Variants in GRM8 observed in about 807,000 individuals in gnomAD.
The protein encoded by GRM8 is metabotropic glutamate receptor 8.
Under a neutral mutation model 87.2 loss-of-function variants are expected in GRM8, and 47 were observed. The observed-to-expected ratio is 0.54, with a 90% CI of 0.43 to 0.69. The LOEUF (loss-of-function observed/expected upper bound fraction) is 0.69, where lower values mean the gene tolerates loss of function less well. Among genes scored for constraint, GRM8 ranks in the 30% least tolerant of loss-of-function variants. The pLI, the probability that GRM8 is intolerant of heterozygous loss-of-function variation, is 0.00. For synonymous variants in GRM8, 396 were observed against 404.5 expected, an observed-to-expected ratio of 0.98 and a Z score of 0.25; for missense variants, 1,019 against 1,139.2, an observed-to-expected ratio of 0.89 and a Z score of 1.52.
At chr7:126,804,973 G>A (rs975951285) in intron 6 of GRM8, among the ~76,000 whole-genome samples, 1 of 152,060 alleles carries the variant, frequency 6.6e-6, no homozygotes, top group South Asian at 2.1e-4. Context: ...CCAGACTGTG[G>A]TCCTCTTACC....
intron 8 of GRM8, among the ~76,000 whole-genome samples, chr7:126,573,483 A>G (rs1794856587): frequency 6.6e-6 from 1 of 152,174 alleles, no homozygotes; most frequent in South Asian, 2.1e-4. Flanking sequence ...TAGAAGAAAA[A>G]TCAGAATCTC....
chr7:126,945,929 TTACTC>T (rs1807486153), intron 3 of GRM8, among the ~76,000 whole-genome samples: 1 of 152,160 alleles, frequency 6.6e-6, no homozygotes, highest in African/African-American at 2.4e-5. Flanking sequence ...AATTTTCCCT[TTACTC>T]TGCCTAATTC....
chr7:126,752,783 T>G (rs767308042), intron 7 of GRM8, among the ~76,000 whole-genome samples: 6 of 152,150 alleles, frequency 3.9e-5, no homozygotes, highest in Non-Finnish European at 5.9e-5. Flanking sequence ...GCTCTTATCC[T>G]TCTCACAAAT....
intron 8 of GRM8, among the ~76,000 whole-genome samples, chr7:126,536,796 C>T (rs1414635242): frequency 1.3e-5 from 2 of 151,974 alleles, no homozygotes; most frequent in African/African-American, 4.8e-5. Flanking sequence ...TTGTTGGGAA[C>T]TTCCATAGAT....
Position 126,452,274 on chromosome 7 carries a change from G to A in GRM8, c.2431-5902C>T, listed in dbSNP as rs574750429. Among the ~76,000 whole-genome samples the A allele has an allele frequency of 2.9e-3, 397 of 138,738 alleles. 3 individuals are homozygous for A. Among genetic ancestry groups the A allele is most frequent in the African/African-American group, 0.01 (390 of 37,642 alleles). The allele number at this position is 138,738 out of a possible 152,430, so 91.0% of individuals were successfully genotyped here. A position where few individuals can be genotyped will look rare whatever the true frequency, so the allele number is the denominator to read the frequency against. ...CCAGGAAGGGGAACATCACACCCCA[G>A]GGCCTGTTGTGGGGTGGGGGGAGGG... On this transcript the variant is annotated intron_variant, in intron 9 of 10. Coordinates refer to ENST00000339582, the MANE Select transcript of GRM8 (RefSeq NM_000845.3).
At chr7:126,995,139 A>T (rs1234101941) in intron 3 of GRM8, among the ~76,000 whole-genome samples, 1 of 152,214 alleles carries the variant, frequency 6.6e-6, no homozygotes, top group Non-Finnish European at 1.5e-5. Context: ...CTTATCTAAG[A>T]CCACCTAGGT....
intron 7 of GRM8, among the ~76,000 whole-genome samples, chr7:126,722,010 T>A (rs1419227339): frequency 6.6e-6 from 1 of 152,170 alleles, no homozygotes; most frequent in African/African-American, 2.4e-5. Context: ...AGGAGGTGAC[T>A]AATTTATATG....
chr7:127,057,850 CA>C (rs1429925451), intron 3 of GRM8, among the ~76,000 whole-genome samples: 2 of 150,584 alleles, frequency 1.3e-5, no homozygotes, highest in East Asian at 3.9e-4. Context: ...GTGATAGAAA[CA>C]GTCTATTAAA....
chr7:127,121,814 C>T (rs1020864066), intron 2 of GRM8, among the ~76,000 whole-genome samples: 1 of 152,096 alleles, frequency 6.6e-6, no homozygotes, highest in South Asian at 2.1e-4. Flanking sequence ...TTAGAAACCA[C>T]CCCCATGATC....
intron 9 of GRM8, among the ~76,000 whole-genome samples, chr7:126,525,423 T>A (rs1260197538): frequency 6.6e-6 from 1 of 152,190 alleles, no homozygotes; most frequent in African/African-American, 2.4e-5. Context: ...CAGAGTTCTT[T>A]CTTTTAACTG....
At chr7:126,775,403 A>G (rs1819312278) in intron 6 of GRM8, among the ~76,000 whole-genome samples, 1 of 150,460 alleles carries the variant, frequency 6.6e-6, no homozygotes, top group African/African-American at 2.5e-5. Context: ...TAGTGCAGTG[A>G]CTTTTAAATC....
intron 8 of GRM8, among the ~76,000 whole-genome samples, chr7:126,585,387 C>T (rs1284902690): frequency 6.6e-6 from 1 of 152,130 alleles, no homozygotes; most frequent in Non-Finnish European, 1.5e-5. Flanking sequence ...TAAGGTTTGT[C>T]CATTAAGTTC....
intron 7 of GRM8, among the ~76,000 whole-genome samples, chr7:126,754,137 G>T (rs1297991020): frequency 1.3e-5 from 2 of 151,726 alleles, no homozygotes; most frequent in African/African-American, 2.4e-5. Context: ...AATGCACAGG[G>T]TTAATTTTTT....
intron 7 of GRM8, among the ~76,000 whole-genome samples, chr7:126,622,602 C>T (rs567405430): frequency 6.6e-6 from 1 of 152,314 alleles, no homozygotes; most frequent in East Asian, 1.9e-4. Flanking sequence ...GCTGGGGCCC[C>T]ATCACTCTCA....
chr7:126,913,168 T>C (rs1803500377), intron 3 of GRM8, among the ~76,000 whole-genome samples: 1 of 152,242 alleles, frequency 6.6e-6, no homozygotes, highest in Non-Finnish European at 1.5e-5. Flanking sequence ...CTTATTGGGA[T>C]GAAATTACTT....
chr7:126,897,146 G>A (rs190619335), intron 6 of GRM8, among the ~76,000 whole-genome samples: 10 of 152,262 alleles, frequency 6.6e-5, no homozygotes, highest in East Asian at 5.8e-4. Flanking sequence ...TTTATAATTC[G>A]TGATGGAGAC....
At chr7:126,676,751 C>T (rs766961126) in intron 7 of GRM8, among the ~76,000 whole-genome samples, 2 of 152,032 alleles carry the variant, frequency 1.3e-5, no homozygotes, top group Non-Finnish European at 2.9e-5. Context: ...TTAAATGTAA[C>T]ACCTGAAACC....
At chr7:126,845,521 A>T (rs1351361418) in intron 6 of GRM8, among the ~76,000 whole-genome samples, 1 of 152,190 alleles carries the variant, frequency 6.6e-6, no homozygotes, top group Non-Finnish European at 1.5e-5. Context: ...TGAATCATTC[A>T]TTACTAAACT....
chr7:126,885,455 A>G (rs1800400564), intron 6 of GRM8, among the ~76,000 whole-genome samples: 1 of 151,974 alleles, frequency 6.6e-6, no homozygotes, highest in African/African-American at 2.4e-5. Context: ...CCCACAGTCT[A>G]CTCTTTTCTT....
Sources: allele counts gnomAD v4.1 joint callset (sites outside exome capture counted in the v4.1 genomes callset), GRCh38; gene constraint gnomAD v4.1.1; transcripts MANE v1.5; gene names NCBI Gene and HGNC (gene_info 2026-07-23, HGNC 2026-07-21).